The following NRG1 variants were observed in gnomAD, a reference collection of about 807,000 sequenced individuals.
NRG1 encodes the protein neuregulin 1.
A neutral mutation model predicts 63.8 loss-of-function variants in NRG1; 18 were observed. The ratio of observed to expected loss-of-function variants is 0.28; its 90% CI spans 0.19 to 0.42. The LOEUF is 0.42. Ranked by LOEUF, NRG1 falls within the 10% of genes least tolerant of loss-of-function variation. The pLI, the probability that NRG1 is intolerant of heterozygous loss-of-function variation, is 1.00. For synonymous variants in NRG1, 302 were observed against 301.3 expected (o/e 1.00, Z -0.02); for missense variants, 762 against 814.7 (o/e 0.94, Z 0.79).
At position 31,934,529 on chromosome 8, in the gene NRG1, G is replaced by A. The variant is rs189853504; in HGVS notation, c.37+295098G>A. Among the ~76,000 whole-genome samples the A allele has an allele frequency of 3.5e-3, 514 of 148,560 alleles. 3 individuals are homozygous for A. The highest frequency in any genetic ancestry group is 0.027 in the South Asian group (125 of 4,702). ...CAACCTCTACCTCCCGGGTTCAAGC[G>A]ATTCCCCTGCCTCAGCCTCCCAAGT... is the stretch of plus-strand genomic sequence containing the variant. On this transcript the variant is annotated intron_variant, in intron 1 of 10. Transcript: ENST00000519301.
At chr8:32,509,403 T>C (rs1265600108) in intron 1 of NRG1, among the ~76,000 whole-genome samples, 3 of 152,172 alleles carry the variant, frequency 2.0e-5, no homozygotes, top group African/African-American at 7.2e-5. Flanking sequence ...CTGAATTGTT[T>C]CTATTATTCA....
At chr8:31,721,007 C>T (rs1812857391) in intron 1 of NRG1, among the ~76,000 whole-genome samples, 2 of 152,058 alleles carry the variant, frequency 1.3e-5, no homozygotes, top group South Asian at 4.1e-4. Context: ...TTTCTCTGCT[C>T]CACCAAATAA....
At chr8:31,837,105 T>C (rs1018068855) in intron 1 of NRG1, among the ~76,000 whole-genome samples, 2 of 152,094 alleles carry the variant, frequency 1.3e-5, no homozygotes, top group African/African-American at 4.8e-5. Context: ...TCCATTTCCA[T>C]CAGTTTTTAA....
At chr8:32,536,889 C>A (rs373292762) in intron 1 of NRG1, among the ~76,000 whole-genome samples, 1 of 128,590 alleles carries the variant, frequency 7.8e-6, no homozygotes, top group Non-Finnish European at 1.5e-5. Flanking sequence ...CGCCACTGCC[C>A]TCCAGCCTGG....
chr8:31,767,815 C>G (rs1056731417), intron 1 of NRG1, among the ~76,000 whole-genome samples: 1 of 148,524 alleles, frequency 6.7e-6, no homozygotes, highest in Non-Finnish European at 1.5e-5. Flanking sequence ...CCATTACACT[C>G]CAGCCTGGGT....
rs752621321 is a variant in NRG1, at chr8:32,764,405, C to A, written c.*3C>A. On this transcript the variant is annotated 3_prime_UTR_variant, in exon 12 of 12. Coordinates refer to ENST00000356819, the Ensembl canonical transcript of NRG1. ...ACCAAGACCCTATTGCTGTATAAAA[C>A]CTAAATAAACACATAGATTCACCTG... 3 of 1,543,774 alleles carry A rather than the reference C, an allele frequency of 1.9e-6. 1 individual carries two copies. Among genetic ancestry groups the A allele is most frequent in the Non-Finnish European group, 2.6e-6 (3 of 1,147,386 alleles).
intron 1 of NRG1, among the ~76,000 whole-genome samples, chr8:32,508,152 T>C (rs771616133): frequency 6.6e-6 from 1 of 152,168 alleles, no homozygotes; most frequent in Admixed American, 6.5e-5. Context: ...ATGCCTATAG[T>C]CCTAACTACT....
chr8:32,208,484 C>T (rs1844312545), intron 1 of NRG1, among the ~76,000 whole-genome samples: 1 of 152,058 alleles, frequency 6.6e-6, no homozygotes, highest in Admixed American at 6.6e-5. Flanking sequence ...TCTTAAACTC[C>T]TAACCTCAGG....
At position 31,714,315 on chromosome 8, in the gene NRG1, T is replaced by G. The variant is rs539028384; in HGVS notation, c.37+74884T>G. Among the ~76,000 whole-genome samples the G allele has an allele frequency of 3.9e-5, 6 of 152,316 alleles. No individual in the cohort carries two copies. In the East Asian group the frequency reaches 1.2e-3, roughly 29 times the overall value. On this transcript the variant is annotated intron_variant, in intron 1 of 10. Transcript: ENST00000519301. ...GAAAACTGACATTTTGGGATAATTT[T>G]ATTTATTTTATTAAGATTTTTTTTG...
chr8:32,009,924 C>A (rs1814469256), intron 1 of NRG1, among the ~76,000 whole-genome samples: 1 of 151,464 alleles, frequency 6.6e-6, no homozygotes, highest in South Asian at 2.1e-4. Context: ...CCCCACCCCA[C>A]TCACTTTTTG....
exon 5 of NRG1, chr8:32,616,857 A>T: frequency 6.2e-7 from 1 of 1,602,822 alleles, no homozygotes; most frequent in African/African-American, 1.3e-5. Context: ...GAATATCAGT[A>T]TCCACAGAAG....
At chr8:32,772,235 A>T (rs948723859), downstream of NRG1, among the ~76,000 whole-genome samples, 2 of 151,488 alleles carry the variant, frequency 1.3e-5, no homozygotes, top group Admixed American at 6.6e-5. Flanking sequence ...CATAAAACAG[A>T]ATTTTTTTTT....
chr8:32,753,892 G>T (rs1435004284), intron 7 of NRG1, among the ~76,000 whole-genome samples: 1 of 152,238 alleles, frequency 6.6e-6, no homozygotes, highest in African/African-American at 2.4e-5. Flanking sequence ...AAGGCCAGGG[G>T]CTGGGGGATA....
intron 1 of NRG1, among the ~76,000 whole-genome samples, chr8:32,303,318 A>G (rs1377155382): frequency 6.6e-6 from 1 of 152,160 alleles, no homozygotes; most frequent in Non-Finnish European, 1.5e-5. Context: ...TATGCTGAAG[A>G]AGCATCAGGA....
chr8:32,155,798 G>A (rs1053858098), intron 1 of NRG1, among the ~76,000 whole-genome samples: 6 of 152,066 alleles, frequency 3.9e-5, no homozygotes, highest in Non-Finnish European at 7.4e-5. Flanking sequence ...TTTTACCAAT[G>A]CAATATAGAA....
At chr8:32,763,898 A>G in exon 12 of NRG1, 2 of 1,614,058 alleles carry the variant, frequency 1.2e-6, no homozygotes, top group Non-Finnish European at 1.7e-6. Flanking sequence ...CCTTCATGGA[A>G]GAAGAGAGAC....
At chr8:31,865,542 G>C (rs1828879130) in intron 1 of NRG1, among the ~76,000 whole-genome samples, 1 of 152,172 alleles carries the variant, frequency 6.6e-6, no homozygotes. Flanking sequence ...TTCATCATGG[G>C]GGGCAGTTAC....
intron 1 of NRG1, among the ~76,000 whole-genome samples, chr8:32,523,978 A>C (rs1177492045): frequency 6.6e-6 from 1 of 151,706 alleles, no homozygotes; most frequent in African/African-American, 2.4e-5. Context: ...AACTGGCTCC[A>C]CTTGGTGTCC....
chr8:31,769,058 T>C (rs1189468302), intron 1 of NRG1, among the ~76,000 whole-genome samples: 1 of 152,184 alleles, frequency 6.6e-6, no homozygotes, highest in Non-Finnish European at 1.5e-5. Flanking sequence ...GGAGAGAACA[T>C]GTACTCCTTA....
Sources: allele counts gnomAD v4.1 joint callset (sites outside exome capture counted in the v4.1 genomes callset), GRCh38; gene constraint gnomAD v4.1.1; transcripts MANE v1.5; gene names NCBI Gene and HGNC (gene_info 2026-07-23, HGNC 2026-07-21).